The following TSPO variants were observed in gnomAD, a reference collection of about 807,000 sequenced individuals.
TSPO encodes the protein translocator protein.
In TSPO, 14 loss-of-function variants were observed where a neutral mutation model predicts 13.9. The observed-to-expected ratio is 1.01, with a 90% CI of 0.67 to 1.58. TSPO has a LOEUF of 1.58. Ranked by LOEUF, TSPO falls within the 40% of genes most tolerant of loss-of-function variation. The probability of loss-of-function intolerance (pLI) is 0.00; values close to 1 mark genes in which losing one functional copy is unlikely to be tolerated. For synonymous variants in TSPO, 114 were observed against 105.9 expected (o/e 1.08, Z -0.47); for missense variants, 232 against 229.6 (o/e 1.01, Z -0.07).
chr22:43,154,542 G>T (rs867496184), intron 1 of TSPO, among the ~76,000 whole-genome samples: 20 of 129,040 alleles, frequency 1.5e-4, no homozygotes, highest in Admixed American at 1.6e-4. Context: ...ATTTTTAGTA[G>T]AGACGGGGTC....
Position 43,159,378 on chromosome 22 carries a change from G to A in TSPO, c.140G>A (p.Trp47Ter), listed in dbSNP as rs1408714658. 1 of 1,543,616 alleles carries A rather than the reference G, an allele frequency of 6.5e-7. No individual in the cohort carries two copies. The highest frequency in any genetic ancestry group is 8.7e-7 in the Non-Finnish European group (1 of 1,145,302). Residue 47 changes from tryptophan to a stop codon, truncating the protein, a stop_gained, in exon 2 of 4, where the codon TGG becomes TAG. Transcript: ENST00000337554. LOFTEE classifies it high-confidence loss of function. ...LQKPSWHPPH[W>*]VLGPVWGTLY... ...AAGCCCTCGTGGCACCCGCCCCACT[G>A]GGTGCTGGGCCCTGTCTGGGGCACG...
Position 43,163,023 on chromosome 22 carries a change from C to T in TSPO, c.*32C>T. The T allele has an allele frequency of 6.3e-7, 1 of 1,575,080 alleles. No individual in the cohort carries two copies. The highest frequency in any genetic ancestry group is 8.6e-7 in the Non-Finnish European group (1 of 1,160,670). ...GGCCCACCAGGGACTGCAGCTGCAC[C>T]AGCAGGTGCCATCACGCTTGTGATG... On this transcript the variant is annotated 3_prime_UTR_variant, in exon 4 of 4. Coordinates refer to ENST00000337554, the MANE Select transcript of TSPO (RefSeq NM_000714.6).
At chr22:43,155,760 G>A (rs144270966) in intron 1 of TSPO, among the ~76,000 whole-genome samples, 4 of 152,280 alleles carry the variant, frequency 2.6e-5, no homozygotes, top group East Asian at 1.9e-4. Context: ...TCTGGATCCC[G>A]ATTCGCTTTC....
At chr22:43,158,300 C>G (rs1569479512) in intron 1 of TSPO, among the ~76,000 whole-genome samples, 1 of 152,222 alleles carries the variant, frequency 6.6e-6, no homozygotes, top group Non-Finnish European at 1.5e-5. Flanking sequence ...CAGCACCAGT[C>G]TGTGCCCACT....
intron 2 of TSPO, among the ~76,000 whole-genome samples, chr22:43,160,625 C>T (rs1931405453): frequency 6.6e-6 from 1 of 152,290 alleles, no homozygotes; most frequent in South Asian, 2.1e-4. Flanking sequence ...CAGACTGACT[C>T]AGGGTCTCAC....
chr22:43,162,940 C>T lies in TSPO; in HGVS notation c.459C>T (p.Cys153=), dbSNP rs745517102. Residue 153 remains cysteine (C), a synonymous_variant, in exon 4 of 4, where the codon TGC becomes TGT. Transcript: ENST00000337554. ...WLAFTTTLNY[C]VWRDNHGWRG... ...CCTTCACGACCACACTCAACTACTGCGTATGGCGGGACAACCATGGCTGGC... is the reference window on the plus strand; with the variant it reads ...CCTTCACGACCACACTCAACTACTGTGTATGGCGGGACAACCATGGCTGGC... 65 of 1,599,776 alleles carry T rather than the reference C, an allele frequency of 4.1e-5. No homozygotes were observed. In the Middle Eastern group the frequency reaches 6.6e-4, roughly 16 times the overall value.
chr22:43,155,838 C>T (rs1223540285), intron 1 of TSPO, among the ~76,000 whole-genome samples: 5 of 152,344 alleles, frequency 3.3e-5, no homozygotes, highest in South Asian at 4.1e-4. Flanking sequence ...CCTGTCCCTG[C>T]CATGTGTGCC....
chr22:43,159,575 C>T (rs1003504292), intron 2 of TSPO, 155 bp downstream of exon 2: 23 of 801,768 alleles, frequency 2.9e-5, no homozygotes, highest in East Asian at 3.3e-5. Context: ...GTGGGCCTGT[C>T]GATTGCACAA....
intron 1 of TSPO, among the ~76,000 whole-genome samples, chr22:43,153,009 C>A (rs1344333223): frequency 6.6e-6 from 1 of 151,924 alleles, no homozygotes; most frequent in African/African-American, 2.4e-5. Context: ...TTCCTTTCTT[C>A]CGTCCTTCCT....
At chr22:43,157,792 G>T (rs555137754) in intron 1 of TSPO, among the ~76,000 whole-genome samples, 1 of 152,214 alleles carries the variant, frequency 6.6e-6, no homozygotes, top group African/African-American at 2.4e-5. Context: ...AGCTGAGATC[G>T]CGCCATTGTA....
chr22:43,156,470 T>G (rs1287231779), intron 1 of TSPO, among the ~76,000 whole-genome samples: 1 of 149,816 alleles, frequency 6.7e-6, no homozygotes, highest in African/African-American at 2.4e-5. Flanking sequence ...CACTGCGTGA[T>G]TCCATTGATA....
intron 3 of TSPO, 50 bp downstream of exon 3, chr22:43,161,240 AGGACGTGG>A: frequency 3.2e-6 from 5 of 1,577,180 alleles, no homozygotes; most frequent in Non-Finnish European, 4.3e-6. Flanking sequence ...CGACCCTTGG[AGGACGTGG>A]GGCATCACAT....
chr22:43,156,329 C>A (rs927300087), intron 1 of TSPO, among the ~76,000 whole-genome samples: 1 of 152,114 alleles, frequency 6.6e-6, no homozygotes, highest in Non-Finnish European at 1.5e-5. Flanking sequence ...TCCTGGGGAC[C>A]GAGTGTGTGC....
intron 2 of TSPO, among the ~76,000 whole-genome samples, chr22:43,159,932 A>G (rs568777729): frequency 6.6e-6 from 1 of 152,266 alleles, no homozygotes; most frequent in Admixed American, 6.5e-5. Context: ...CCACCCGGAA[A>G]GGACGTGCTG....
chr22:43,154,722 C>A (rs1284467011), intron 1 of TSPO, among the ~76,000 whole-genome samples: 3 of 152,202 alleles, frequency 2.0e-5, no homozygotes, highest in Admixed American at 2.0e-4. Flanking sequence ...CTGGCTCGAC[C>A]ACCACCTCAT....
intron 1 of TSPO, among the ~76,000 whole-genome samples, chr22:43,154,160 A>G (rs1194038396): frequency 6.6e-6 from 1 of 152,134 alleles, no homozygotes; most frequent in African/African-American, 2.4e-5. Context: ...AAAAATGCAC[A>G]CAAAGGTTAC....
chr22:43,161,152 T>C lies in TSPO; in HGVS notation c.283T>C (p.Trp95Arg), dbSNP rs1175538807. Residue 95 changes from tryptophan to arginine, a missense_variant, in exon 3 of 4, where the codon TGG (tryptophan) becomes CGG (arginine). Physicochemically the swap from Trp to Arg is moderately radical, Grantham distance 101 (BLOSUM62 -3). Coordinates refer to ENST00000337554, the MANE Select transcript of TSPO (RefSeq NM_000714.6). ...TGGGCAGCTGGCCCTGAACTGGGCATGGCCCCCCATCTTCTTTGGTGCCCG... is the reference window on the plus strand; with the variant it reads ...TGGGCAGCTGGCCCTGAACTGGGCACGGCCCCCCATCTTCTTTGGTGCCCG... The part of the protein sequence containing the change: ...YTGQLALNWA[W>R]PPIFFGARQM... The C allele has an allele frequency of 2.5e-6, 4 of 1,613,842 alleles. No homozygotes were observed. Among genetic ancestry groups the C allele is most frequent in the African/African-American group, 2.7e-5 (2 of 74,930 alleles).
At position 43,161,093 on chromosome 22, in the gene TSPO, C is replaced by T. The variant is rs749849080; in HGVS notation, c.224C>T (p.Thr75Ile). ...YLVWKELGGF[T>I]EKAVVPLGLY... ...GTCTGGAAAGAGCTGGGAGGCTTCA[C>T]AGAGAAGGCTGTGGTTCCCCTGGGC... The change falls in exon 3 of 4, where the codon ACA (threonine) becomes ATA (isoleucine). Residue 75 changes from threonine to isoleucine, a missense_variant. Thr to Ile is a moderately conservative substitution (Grantham distance 89, BLOSUM62 -1). Coordinates refer to ENST00000337554, the MANE Select transcript of TSPO (RefSeq NM_000714.6). 1 of 1,614,152 alleles carries T rather than the reference C, an allele frequency of 6.2e-7. No individual in the cohort carries two copies. The highest frequency in any genetic ancestry group is 2.2e-5 in the East Asian group (1 of 44,884).
Position 43,162,834 on chromosome 22 carries a change from C to T in TSPO, c.353C>T (p.Ala118Val), listed in dbSNP as rs1221256035. ...GTGGATCTCCTGCTGGTCAGTGGGG[C>T]GGCGGCAGCCACTACCGTGGCCTGG... ...ALVDLLLVSGAAAATTVAWYQ... is the reference protein window; with the variant it reads ...ALVDLLLVSGVAAATTVAWYQ... Residue 118 changes from alanine to valine, a missense_variant, in exon 4 of 4, where the codon GCG (alanine) becomes GTG (valine). Coordinates refer to ENST00000337554, the MANE Select transcript of TSPO (RefSeq NM_000714.6). 3.2e-6 allele frequency: 5 copies of T among 1,583,516 alleles called. No homozygotes were observed. Among genetic ancestry groups the T allele is most frequent in the South Asian group, 1.1e-5 (1 of 87,166 alleles).
Sources: gnomAD v4.1 joint callset for allele counts (sites outside exome capture counted in the v4.1 genomes callset) on GRCh38, gnomAD v4.1.1 for gene constraint, MANE v1.5 for transcripts, NCBI Gene and HGNC (gene_info 2026-07-23, HGNC 2026-07-21) for gene names.